The following GREB1L variants were observed in gnomAD, a reference collection of about 807,000 sequenced individuals.
The protein encoded by GREB1L is GREB1-like protein.
In GREB1L, 17 loss-of-function variants were observed where a neutral mutation model predicts 200.8. The ratio of observed to expected loss-of-function variants is 0.08; its 90% CI spans 0.06 to 0.13. The LOEUF is 0.13. GREB1L is among the 10% of genes least tolerant of loss of function. The pLI, the probability that GREB1L is intolerant of heterozygous loss-of-function variation, is 1.00. For synonymous variants in GREB1L, 789 were observed against 893.0 expected (o/e 0.88, Z 2.08); for missense variants, 1,657 against 2,367.7 (o/e 0.70, Z 6.23).
intron 25 of GREB1L, among the ~76,000 whole-genome samples, chr18:21,506,778 CAT>C (rs1189952213): frequency 6.6e-6 from 1 of 152,198 alleles, no homozygotes; most frequent in Non-Finnish European, 1.5e-5. Flanking sequence ...AGAACTGAGA[CAT>C]AGGAATGAAG....
At chr18:21,296,277 C>T (rs1409208828) in intron 1 of GREB1L, among the ~76,000 whole-genome samples, 4 of 152,174 alleles carry the variant, frequency 2.6e-5, no homozygotes, top group Non-Finnish European at 4.4e-5. Flanking sequence ...ATGTCCTTTG[C>T]AGCAACATGC....
chr18:21,323,953 C>T (rs1486244238), intron 1 of GREB1L, among the ~76,000 whole-genome samples: 1 of 152,100 alleles, frequency 6.6e-6, no homozygotes. Context: ...TACTCACTTA[C>T]AAGTGGAAAC....
At chr18:21,293,645 G>A (rs974724909) in intron 1 of GREB1L, among the ~76,000 whole-genome samples, 1 of 152,180 alleles carries the variant, frequency 6.6e-6, no homozygotes, top group Non-Finnish European at 1.5e-5. Context: ...AGCCAAAACA[G>A]TATGTGTAAA....
In GREB1L at chr18:21,477,254, C is replaced by T. The variant is rs2035738918; in HGVS notation, c.2454C>T (p.Asn818=). Residue 818 remains asparagine (N), a synonymous_variant, in exon 17 of 33, where the codon AAC becomes AAT. Coordinates refer to ENST00000424526, the MANE Select transcript of GREB1L (RefSeq NM_001142966.3). ...GCAGAGAAGTTCTGGAAGCTTTCAA[C>T]CTCCTGGTGCTCCAGGTCAGCTCCT... ...INCREVLEAF[N]LLVLQVSSFP... is the part of the protein sequence containing the mutation. 6.4e-7 allele frequency: 1 copy of T among 1,551,832 alleles called. No homozygotes were observed. Among genetic ancestry groups the T allele is most frequent in the East Asian group, 2.4e-5 (1 of 40,922 alleles).
At chr18:21,253,374 C>T (rs1197197571) in intron 1 of GREB1L, among the ~76,000 whole-genome samples, 1 of 151,640 alleles carries the variant, frequency 6.6e-6, no homozygotes, top group Non-Finnish European at 1.5e-5. Flanking sequence ...TCCCAGCCTC[C>T]TTAGTAGCTG....
intron 1 of GREB1L, among the ~76,000 whole-genome samples, chr18:21,283,860 A>G (rs781782038): frequency 6.6e-6 from 1 of 152,054 alleles, no homozygotes; most frequent in African/African-American, 2.4e-5. Context: ...CTAAGGAACA[A>G]TGTGTGTTTT....
intron 1 of GREB1L, among the ~76,000 whole-genome samples, chr18:21,346,335 C>G (rs2039345097): frequency 6.6e-6 from 1 of 152,092 alleles, no homozygotes; most frequent in Non-Finnish European, 1.5e-5. Context: ...TACTTCCTCA[C>G]AAGCCCCTAC....
chr18:21,267,184 G>A (rs555597785), intron 1 of GREB1L, among the ~76,000 whole-genome samples: 1 of 146,436 alleles, frequency 6.8e-6, no homozygotes, highest in African/African-American at 2.5e-5. Flanking sequence ...TGCCTGCCTC[G>A]GCCGCTTTTT....
chr18:21,446,401 C>A (rs1033856328), intron 11 of GREB1L, among the ~76,000 whole-genome samples: 19 of 152,008 alleles, frequency 1.2e-4, no homozygotes, highest in African/African-American at 4.1e-4. Flanking sequence ...AATAAGATAT[C>A]TTTTCTTAAA....
At chr18:21,508,344 G>A (rs771441268) in intron 26 of GREB1L, 43 bp from the exon 27 acceptor site, 1 of 1,550,250 alleles carries the variant, frequency 6.5e-7, no homozygotes, top group East Asian at 2.4e-5. Context: ...CAATCTAGAG[G>A]CTTTAATTTC....
chr18:21,285,938 T>C (rs1419597856), intron 1 of GREB1L, among the ~76,000 whole-genome samples: 5 of 152,202 alleles, frequency 3.3e-5, no homozygotes, highest in African/African-American at 1.2e-4. Flanking sequence ...ATAGACAGCA[T>C]TTAATAGAGC....
intron 1 of GREB1L, among the ~76,000 whole-genome samples, chr18:21,333,273 T>A (rs1287534471): frequency 6.6e-6 from 1 of 152,328 alleles, no homozygotes; most frequent in East Asian, 1.9e-4. Context: ...TATTAACTAT[T>A]AATTGTATAG....
chr18:21,310,243 G>A (rs16940831), intron 1 of GREB1L, among the ~76,000 whole-genome samples: 2,052 of 152,268 alleles, frequency 0.013, 48 homozygotes, highest in African/African-American at 0.047. Flanking sequence ...AGAGAGGACC[G>A]ATGAAGGAGT....
At chr18:21,394,978 C>G (rs1161476892) in intron 4 of GREB1L, among the ~76,000 whole-genome samples, 1 of 147,760 alleles carries the variant, frequency 6.8e-6, no homozygotes, top group South Asian at 2.2e-4. Context: ...GTGGCGCACA[C>G]GCCTGTAATC....
intron 19 of GREB1L, among the ~76,000 whole-genome samples, chr18:21,493,457 T>G (rs868542381): frequency 2.0e-5 from 3 of 152,340 alleles, no homozygotes; most frequent in Middle Eastern, 3.4e-3. Context: ...ACAGGAGAAC[T>G]GCAGCCATCA....
intron 1 of GREB1L, among the ~76,000 whole-genome samples, chr18:21,319,508 G>C (rs1266856832): frequency 6.6e-6 from 1 of 152,246 alleles, no homozygotes; most frequent in African/African-American, 2.4e-5. Flanking sequence ...TTTAGTTTTA[G>C]AATTAGTGTA....
Position 21,288,251 on chromosome 18 carries a change from G to A in GREB1L, c.-120+45858G>A, listed in dbSNP as rs535601380. ...AAAGCTTTTTTTCCCAGAACAAGAA[G>A]ATTATCCAGAAAAAAAAAGAGCTGT... On this transcript the variant is annotated intron_variant, in intron 1 of 32. Coordinates refer to ENST00000424526, the MANE Select transcript of GREB1L (RefSeq NM_001142966.3). 1.3e-3 allele frequency among the ~76,000 whole-genome samples: 204 copies of A among 151,860 alleles called. 1 individual carries two copies. The highest frequency in any genetic ancestry group is 4.7e-3 in the African/African-American group (195 of 41,396).
intron 7 of GREB1L, among the ~76,000 whole-genome samples, chr18:21,424,869 T>A (rs967315783): frequency 4.6e-5 from 7 of 152,328 alleles, no homozygotes; most frequent in Non-Finnish European, 1.0e-4. Flanking sequence ...TCTATTTCTA[T>A]GTATTTGTCT....
intron 4 of GREB1L, 88 bp downstream of exon 4, chr18:21,384,491 G>A: frequency 9.9e-7 from 1 of 1,005,342 alleles, no homozygotes; most frequent in Non-Finnish European, 1.5e-6. Context: ...GCTCAAGGCT[G>A]GAAACTAGTA....
Sources: gnomAD v4.1 joint callset for allele counts (sites outside exome capture counted in the v4.1 genomes callset) on GRCh38, gnomAD v4.1.1 for gene constraint, MANE v1.5 for transcripts, NCBI Gene and HGNC (gene_info 2026-07-23, HGNC 2026-07-21) for gene names.